Variants in SEC22C observed in about 807,000 individuals in gnomAD.
SEC22C encodes the protein vesicle-trafficking protein SEC22c.
SEC22C carries 29 observed loss-of-function variants against 34.7 expected under a neutral mutation model. The observed-to-expected ratio is 0.84, with a 90% CI of 0.62 to 1.14. The LOEUF (loss-of-function observed/expected upper bound fraction) is 1.14, where lower values mean the gene tolerates loss of function less well. SEC22C is among the 50% of genes most tolerant of loss of function. The pLI is 0.00. For missense variants in SEC22C, 337 were observed against 369.0 expected, an observed-to-expected ratio of 0.91 and a Z score of 0.71; for synonymous variants, 117 against 132.8, an observed-to-expected ratio of 0.88 and a Z score of 0.82.
In SEC22C at chr3:42,552,140, C is replaced by G. The variant is rs1362619461; in HGVS notation, c.*1108G>C. 2.0e-6 allele frequency: 2 copies of G among 985,250 alleles called. No individual in the cohort carries two copies. Among genetic ancestry groups the G allele is most frequent in the African/African-American group, 3.5e-5 (2 of 57,240 alleles). 61.0% of individuals were successfully genotyped at this position (985,250 alleles called of 1,614,324 possible). A position where few individuals can be genotyped will look rare whatever the true frequency, so the allele number is the denominator to read the frequency against. ...ATTTTTTGACAGTGAAAGAGAGTAA[C>G]TTTCCAGAGTATGTGTTAATTATAT... On this transcript the variant is annotated 3_prime_UTR_variant, in exon 7 of 7. Transcript: ENST00000264454.
intron 1 of SEC22C, chr3:42,600,938 CCGCCCT>C: frequency 1.6e-6 from 2 of 1,266,838 alleles, no homozygotes; most frequent in Non-Finnish European, 1.1e-6. Context: ...GCCCTCGCCC[CCGCCCT>C]CGCCCCTGCC....
chr3:42,558,928 T>C (rs1295442270), intron 4 of SEC22C, among the ~76,000 whole-genome samples: 3 of 152,260 alleles, frequency 2.0e-5, no homozygotes, highest in African/African-American at 7.2e-5. Flanking sequence ...GTCCTCTTTC[T>C]CTGACAATAA....
At chr3:42,582,102 T>C (rs368032053), upstream of SEC22C, 13 of 151,968 alleles carry the variant, frequency 8.6e-5, no homozygotes, top group Non-Finnish European at 1.5e-4. Flanking sequence ...GGCGCGAACG[T>C]AGTGGTTCTT....
At chr3:42,597,862 A>G (rs1036833363) in intron 1 of SEC22C, among the ~76,000 whole-genome samples, 1 of 152,252 alleles carries the variant, frequency 6.6e-6, no homozygotes, top group African/African-American at 2.4e-5. Flanking sequence ...CTATAAAACT[A>G]CATTAATTAA....
chr3:42,587,038 C>T (rs1467362021), intron 1 of SEC22C, among the ~76,000 whole-genome samples: 1 of 152,202 alleles, frequency 6.6e-6, no homozygotes. Context: ...GCCAAATCTA[C>T]TTCTAATGTC....
intron 1 of SEC22C, among the ~76,000 whole-genome samples, chr3:42,590,401 C>T (rs1024402484): frequency 5.3e-5 from 8 of 152,220 alleles, no homozygotes; most frequent in Non-Finnish European, 8.8e-5. Context: ...GAGGCCGAGG[C>T]GGGCGGATCA....
chr3:42,561,652 G>A (rs1702922742), intron 3 of SEC22C, among the ~76,000 whole-genome samples: 1 of 152,222 alleles, frequency 6.6e-6, no homozygotes, highest in Admixed American at 6.5e-5. Context: ...GCCTCCCAGA[G>A]TGCTGGGATA....
chr3:42,598,782 T>C (rs563229086), intron 1 of SEC22C, among the ~76,000 whole-genome samples: 1 of 152,148 alleles, frequency 6.6e-6, no homozygotes, highest in Non-Finnish European at 1.5e-5. Context: ...AGTTTCAGTT[T>C]TGCAAGATGG....
At chr3:42,571,760 T>A (rs1346524094) in intron 1 of SEC22C, among the ~76,000 whole-genome samples, 1 of 152,250 alleles carries the variant, frequency 6.6e-6, no homozygotes, top group South Asian at 2.1e-4. Context: ...AAAGATGAAG[T>A]AGAAGTACTT....
intron 2 of SEC22C, chr3:42,566,763 GA>G: frequency 5.8e-6 from 2 of 346,892 alleles, no homozygotes; most frequent in South Asian, 2.2e-5. Flanking sequence ...CAGGGCTTTG[GA>G]AGGCCAAGGC....
rs911529566 is a variant in SEC22C, at chr3:42,552,268, T to G, written c.*980A>C. ...ACTGGGAAAGGTGCAGAGGAGTAAT[T>G]AATTTTGGAGGCGCTCTGGGAACAG... is the stretch of plus-strand genomic sequence containing the variant. On this transcript the variant is annotated 3_prime_UTR_variant, in exon 7 of 7. Coordinates refer to ENST00000264454, the MANE Select transcript of SEC22C (RefSeq NM_032970.4). 1.0e-6 allele frequency: 1 copy of G among 985,310 alleles called. No individual in the cohort carries two copies. Among genetic ancestry groups the G allele is most frequent in the Non-Finnish European group, 1.2e-6 (1 of 829,954 alleles). 61.0% of individuals were successfully genotyped at this position (985,310 alleles called of 1,614,324 possible). A position where few individuals can be genotyped will look rare whatever the true frequency, so the allele number is the denominator to read the frequency against.
At chr3:42,585,199 C>T (rs534969422), upstream of SEC22C, among the ~76,000 whole-genome samples, 3 of 152,286 alleles carry the variant, frequency 2.0e-5, no homozygotes, top group South Asian at 2.1e-4. Context: ...ACTTGTGGTG[C>T]GAGTGCTTTA....
At chr3:42,557,535 T>G in intron 5 of SEC22C, 43 bp downstream of exon 5, 47 of 882,006 alleles carry the variant, frequency 5.3e-5, no homozygotes, top group Non-Finnish European at 7.9e-5. Flanking sequence ...TTCTATCATA[T>G]GTCCTTCAAT....
intron 2 of SEC22C, chr3:42,566,854 AT>A: frequency 2.3e-6 from 1 of 428,168 alleles, no homozygotes; most frequent in Non-Finnish European, 4.7e-6. Context: ...ATAAAAATAA[AT>A]TAGCTGGGTA....
At chr3:42,559,779 T>G (rs189418797) in intron 4 of SEC22C, among the ~76,000 whole-genome samples, 220 of 152,326 alleles carry the variant, frequency 1.4e-3, no homozygotes, top group Non-Finnish European at 2.1e-3. Context: ...TTTAATTGTA[T>G]GTAACTATAA....
intron 1 of SEC22C, among the ~76,000 whole-genome samples, chr3:42,574,568 A>G (rs2125719862): frequency 6.6e-6 from 1 of 152,278 alleles, no homozygotes; most frequent in East Asian, 1.9e-4. Flanking sequence ...AGTTTTCTAA[A>G]TTATGTTCGG....
At chr3:42,600,929 C>T (rs1203677469) in intron 1 of SEC22C, 3 of 1,140,372 alleles carry the variant, frequency 2.6e-6, no homozygotes, top group East Asian at 3.2e-5. Flanking sequence ...CTCGCCCCTG[C>T]CCTCGCCCCC....
Position 42,548,253 on chromosome 3 carries a change from C to T in SEC22C, c.*4995G>A, listed in dbSNP as rs1285919364. ...GTATTTTATGCTTTTAGTAGAAAAG[C>T]CCATTAAACAAAATAGAATCCTGGG... is the stretch of plus-strand genomic sequence containing the variant. On this transcript the variant is annotated 3_prime_UTR_variant, in exon 7 of 7. Transcript: ENST00000264454. 1 of 214,072 alleles carries T rather than the reference C, an allele frequency of 4.7e-6. No homozygotes were observed. Among genetic ancestry groups the T allele is most frequent in the Non-Finnish European group, 9.2e-6 (1 of 108,184 alleles). 13.3% of individuals were successfully genotyped at this position (214,072 alleles called of 1,614,324 possible). A position where few individuals can be genotyped will look rare whatever the true frequency, so the allele number is the denominator to read the frequency against.
chr3:42,550,572 C>T lies in SEC22C; in HGVS notation c.*2676G>A. On this transcript the variant is annotated 3_prime_UTR_variant, in exon 7 of 7. Coordinates refer to ENST00000264454, the MANE Select transcript of SEC22C (RefSeq NM_032970.4). ...TCAAACAATGTTTTTGTGGTCATTA[C>T]TTGTACTGTTTTTCTAGTGCATCTT... is the stretch of plus-strand genomic sequence containing the variant. 4.1e-6 allele frequency: 4 copies of T among 985,432 alleles called. No homozygotes were observed. The highest frequency in any genetic ancestry group is 3.6e-6 in the Non-Finnish European group (3 of 829,926). 61.0% of individuals were successfully genotyped at this position (985,432 alleles called of 1,614,324 possible). A position where few individuals can be genotyped will look rare whatever the true frequency, so the allele number is the denominator to read the frequency against.
Sources: allele counts gnomAD v4.1 joint callset (sites outside exome capture counted in the v4.1 genomes callset), GRCh38; gene constraint gnomAD v4.1.1; transcripts MANE v1.5; gene names NCBI Gene and HGNC (gene_info 2026-07-23, HGNC 2026-07-21).